Variants in SLC4A10 observed in about 807,000 individuals in gnomAD.
SLC4A10 encodes solute carrier family 4 member 10.
SLC4A10 carries 42 observed loss-of-function variants against 137.7 expected under a neutral mutation model. The ratio of observed to expected loss-of-function variants is 0.30; its 90% CI spans 0.24 to 0.39. The LOEUF (loss-of-function observed/expected upper bound fraction) is 0.39, where lower values mean the gene tolerates loss of function less well. Ranked by LOEUF, SLC4A10 falls within the 10% of genes least tolerant of loss-of-function variation. SLC4A10 has a pLI of 1.00. For missense variants in SLC4A10, 925 were observed against 1,355.0 expected, an observed-to-expected ratio of 0.68 and a Z score of 4.98; for synonymous variants, 474 against 464.1, an observed-to-expected ratio of 1.02 and a Z score of -0.27.
intron 3 of SLC4A10, among the ~76,000 whole-genome samples, chr2:161,823,501 A>G (rs2057788158): frequency 6.6e-6 from 1 of 152,198 alleles, no homozygotes; most frequent in Non-Finnish European, 1.5e-5. Context: ...TTAGTATAAT[A>G]TTGTGAACCT....
At chr2:161,958,407 C>G (rs1696044402) in intron 20 of SLC4A10, 80 bp from the exon 21 acceptor site, 2 of 1,200,054 alleles carry the variant, frequency 1.7e-6, no homozygotes, top group South Asian at 1.3e-5. Context: ...CCTTTTTTCC[C>G]TGTTTTTTTC....
intron 11 of SLC4A10, among the ~76,000 whole-genome samples, chr2:161,895,354 A>G (rs1238569717): frequency 1.3e-5 from 2 of 152,094 alleles, no homozygotes; most frequent in Non-Finnish European, 2.9e-5. Context: ...GCTATTGTGA[A>G]TAGTGCCGCA....
chr2:161,679,101 C>T (rs1460309125), intron 1 of SLC4A10, among the ~76,000 whole-genome samples: 1 of 152,102 alleles, frequency 6.6e-6, no homozygotes, highest in Non-Finnish European at 1.5e-5. Flanking sequence ...AGTTGCTCCA[C>T]ATACTTTCTA....
intron 9 of SLC4A10, among the ~76,000 whole-genome samples, chr2:161,881,717 AG>A (rs2061796213): frequency 6.6e-6 from 1 of 152,018 alleles, no homozygotes. Context: ...TTTCTTTAAA[AG>A]CACCACTTGT....
At chr2:161,879,822 T>C (rs980783564) in intron 9 of SLC4A10, among the ~76,000 whole-genome samples, 3 of 152,054 alleles carry the variant, frequency 2.0e-5, no homozygotes, top group African/African-American at 7.2e-5. Flanking sequence ...GAAACACTGG[T>C]AGAAGTATTA....
chr2:161,635,896 T>C (rs1054914193), intron 1 of SLC4A10, among the ~76,000 whole-genome samples: 1 of 152,156 alleles, frequency 6.6e-6, no homozygotes, highest in African/African-American at 2.4e-5. Context: ...ACATTGTTTC[T>C]TCCCTTCTTA....
intron 5 of SLC4A10, among the ~76,000 whole-genome samples, chr2:161,856,789 T>A (rs1415037943): frequency 6.6e-6 from 1 of 152,196 alleles, no homozygotes; most frequent in Non-Finnish European, 1.5e-5. Flanking sequence ...TGCTCAAACC[T>A]GGTTCTTAGT....
At chr2:161,769,159 G>A (rs2051257397) in intron 1 of SLC4A10, among the ~76,000 whole-genome samples, 1 of 151,828 alleles carries the variant, frequency 6.6e-6, no homozygotes. Context: ...AACTGTTAGA[G>A]CCCTTTCTAA....
chr2:161,894,602 T>G (rs2063257694), intron 10 of SLC4A10, 77 bp from the exon 11 acceptor site: 4 of 738,236 alleles, frequency 5.4e-6, no homozygotes, highest in Middle Eastern at 4.7e-4. Context: ...GTGAGATAAC[T>G]GAGTTGAAAA....
intron 23 of SLC4A10, among the ~76,000 whole-genome samples, chr2:161,966,743 A>AAAAAAC (rs1553645652): frequency 4.4e-4 from 66 of 149,800 alleles, no homozygotes; most frequent in Non-Finnish European, 6.2e-4. Context: ...CTCAAAAAAA[A>AAAAAAC]AAAAAACAAA....
intron 1 of SLC4A10, among the ~76,000 whole-genome samples, chr2:161,669,032 A>T (rs1004783958): frequency 6.6e-6 from 1 of 151,922 alleles, no homozygotes; most frequent in Admixed American, 6.6e-5. Flanking sequence ...ATTATTTTAT[A>T]TCTGCCTCAT....
chr2:161,760,949 C>T (rs189847374), intron 1 of SLC4A10, among the ~76,000 whole-genome samples: 17 of 151,870 alleles, frequency 1.1e-4, no homozygotes, highest in African/African-American at 1.9e-4. Context: ...CATGCACACA[C>T]GCAGCCACAT....
chr2:161,710,707 T>C (rs1401826386), intron 1 of SLC4A10: 1 of 455,746 alleles, frequency 2.2e-6, no homozygotes, highest in Admixed American at 2.4e-5. Flanking sequence ...CCTTCGTTTA[T>C]ACTATTTTAC....
chr2:161,766,952 A>G (rs1010356429), intron 1 of SLC4A10, among the ~76,000 whole-genome samples: 3 of 151,084 alleles, frequency 2.0e-5, no homozygotes, highest in Admixed American at 1.3e-4. Flanking sequence ...ATATCTTTCC[A>G]CTATGTATTT....
In SLC4A10 at chr2:161,890,233, G is replaced by A. The variant is rs188079806; in HGVS notation, c.1195-4446G>A. 4.6e-5 allele frequency among the ~76,000 whole-genome samples: 7 copies of A among 152,282 alleles called. No individual in the cohort carries two copies. The East Asian group carries it at 7.7e-4, about 17-fold the overall frequency. ...TTATGTGGTCAATTTTAGAATAAGT[G>A]CGATGCGGTGCTGAGAAGAATGTAT... is the stretch of plus-strand genomic sequence containing the variant. On this transcript the variant is annotated intron_variant, in intron 10 of 26. Coordinates refer to ENST00000446997, the MANE Select transcript of SLC4A10 (RefSeq NM_001178015.2).
chr2:161,908,040 C>G (rs1364556608), intron 15 of SLC4A10, among the ~76,000 whole-genome samples: 1 of 151,768 alleles, frequency 6.6e-6, no homozygotes, highest in African/African-American at 2.4e-5. Context: ...GTCCCTTGGT[C>G]TAGAAAGGAA....
chr2:161,755,656 T>G (rs1264232904), intron 1 of SLC4A10, among the ~76,000 whole-genome samples: 1 of 152,210 alleles, frequency 6.6e-6, no homozygotes, highest in East Asian at 1.9e-4. Flanking sequence ...GATTTTACAT[T>G]TGTTTTTCTC....
At chr2:161,708,196 C>T (rs562767666) in intron 1 of SLC4A10, among the ~76,000 whole-genome samples, 3 of 151,454 alleles carry the variant, frequency 2.0e-5, no homozygotes, top group Non-Finnish European at 4.4e-5. Flanking sequence ...AGGCACTCAT[C>T]ATTTTGATGG....
chr2:161,949,931 A>C (rs1484370163), intron 18 of SLC4A10, among the ~76,000 whole-genome samples: 5 of 151,864 alleles, frequency 3.3e-5, no homozygotes, highest in African/African-American at 1.2e-4. Flanking sequence ...CAAAAGTTTC[A>C]GATTTTGGAT....
Sources: gnomAD v4.1 joint callset for allele counts (sites outside exome capture counted in the v4.1 genomes callset) on GRCh38, gnomAD v4.1.1 for gene constraint, MANE v1.5 for transcripts, NCBI Gene and HGNC (gene_info 2026-07-23, HGNC 2026-07-21) for gene names.